The following NRP2 variants were observed in gnomAD, a reference collection of about 807,000 sequenced individuals.
NRP2 encodes neuropilin-2.
In NRP2, 52 loss-of-function variants were observed where a neutral mutation model predicts 110.4. The observed-to-expected ratio is 0.47, with a 90% CI of 0.38 to 0.59. The LOEUF (loss-of-function observed/expected upper bound fraction) is 0.59. NRP2 is among the 20% of genes least tolerant of loss of function. The probability of loss-of-function intolerance (pLI) is 0.00; values close to 1 mark genes in which losing one functional copy is unlikely to be tolerated. For synonymous variants in NRP2, 508 were observed against 468.9 expected (o/e 1.08, Z -1.08); for missense variants, 1,049 against 1,203.0 (o/e 0.87, Z 1.89).
intron 12 of NRP2, chr2:205,762,092 CT>C (rs1486546389): frequency 2.0e-5 from 3 of 152,238 alleles, no homozygotes; most frequent in Non-Finnish European, 4.4e-5. Context: ...CTGTAGACAG[CT>C]GCCTTTTAGT....
intron 15 of NRP2, among the ~76,000 whole-genome samples, chr2:205,782,812 G>A (rs34559804): frequency 0.016 from 2,434 of 150,386 alleles, 31 homozygotes; most frequent in Middle Eastern, 0.035. Flanking sequence ...ATGCCAGAGT[G>A]TATTAACTGC....
chr2:205,771,664 C>G (rs186581832), intron 15 of NRP2, among the ~76,000 whole-genome samples: 126 of 152,288 alleles, frequency 8.3e-4, no homozygotes, highest in African/African-American at 2.7e-3. Context: ...TTGACTGAGA[C>G]ACGCCAATCC....
chr2:205,723,933 A>G lies in NRP2; in HGVS notation c.813A>G (p.Pro271=). 2 of 1,614,106 alleles carry G rather than the reference A, an allele frequency of 1.2e-6. No individual in the cohort carries two copies. The highest frequency in any genetic ancestry group is 1.1e-5 in the South Asian group (1 of 91,066). Residue 271 remains proline, a synonymous_variant, in exon 5 of 17, where the codon CCA becomes CCG. Coordinates refer to ENST00000357785, the MANE Select transcript of NRP2 (RefSeq NM_003872.3). The part of the protein sequence containing the change: ...SARYYLVHQE[P]LENFQCNVPL... ...GTTACTACCTGGTCCACCAAGAGCC[A>G]CTAGAGAGTGAGTTGGCCGATTGGG... is the stretch of plus-strand genomic sequence containing the variant.
At chr2:205,696,318 AC>A (rs2105884968) in intron 1 of NRP2, among the ~76,000 whole-genome samples, 1 of 152,108 alleles carries the variant, frequency 6.6e-6, no homozygotes, top group Admixed American at 6.5e-5. Context: ...CAGGAGAAAG[AC>A]CCATCCTGGA....
chr2:205,721,419 G>A (rs1285907189), intron 3 of NRP2, among the ~76,000 whole-genome samples: 1 of 152,138 alleles, frequency 6.6e-6, no homozygotes, highest in Admixed American at 6.5e-5. Flanking sequence ...CATTCATTGC[G>A]TGAATGTGCA....
chr2:205,781,153 A>G (rs2058169651), intron 15 of NRP2, among the ~76,000 whole-genome samples: 1 of 152,194 alleles, frequency 6.6e-6, no homozygotes, highest in Non-Finnish European at 1.5e-5. Context: ...CTGTTTTTGG[A>G]ACCATGTTTG....
chr2:205,795,139 A>C lies in NRP2; in HGVS notation c.*81A>C, dbSNP rs2058341064. On this transcript the variant is annotated 3_prime_UTR_variant, in exon 17 of 17. Transcript: ENST00000357785. ...GATTACATTTTTTTTTCCTTTGGAAACTGAATGCCATAATCTCGATCAAAC... is the reference window on the plus strand; with the variant it reads ...GATTACATTTTTTTTTCCTTTGGAACCTGAATGCCATAATCTCGATCAAAC... 3.1e-6 allele frequency: 4 copies of C among 1,307,606 alleles called. No homozygotes were observed. In the South Asian group the frequency reaches 5.0e-5, roughly 16 times the overall value. 81.0% of individuals were successfully genotyped at this position (1,307,606 alleles called of 1,614,324 possible). A position where few individuals can be genotyped will look rare whatever the true frequency, so the allele number is the denominator to read the frequency against.
chr2:205,726,068 A>G lies in NRP2; in HGVS notation c.976A>G (p.Lys326Glu), dbSNP rs1466230204. The G allele has an allele frequency of 1.2e-6, 2 of 1,614,114 alleles. No homozygotes were observed. The highest frequency in any genetic ancestry group is 1.7e-6 in the Non-Finnish European group (2 of 1,180,048). ...NGWTPNLDSN[K>E]EYLQVDLRFL... ...CTGGACCCCCAACTTGGATTCCAAC[A>G]AGGAGTATCTCCAGGTACTTGTGCA... The change falls in exon 6 of 17, where the codon AAG becomes GAG. Residue 326 changes from lysine to glutamate, a missense_variant. By Grantham distance (56) the Lys-to-Glu change is moderately conservative. Transcript: ENST00000357785.
At position 205,752,968 on chromosome 2, in the gene NRP2, G is replaced by A. The variant is rs762849196; in HGVS notation, c.2037G>A (p.Thr679=). Residue 679 remains threonine, a synonymous_variant, in exon 12 of 17, where the codon ACG becomes ACA. Transcript: ENST00000357785. ...GCAGCTCCAGCCCAAACGACCGGAC[G>A]TTTCCAGGTAAGCCAGCTGTGAGTG... ...WASSSSPNDR[T]FPDDRNFLRL... 41 of 1,613,312 alleles carry A rather than the reference G, an allele frequency of 2.5e-5. No homozygotes were observed. Among genetic ancestry groups the A allele is most frequent in the Admixed American group, 8.3e-5 (5 of 59,998 alleles).
At chr2:205,749,027 T>C (rs1353268737) in intron 10 of NRP2, among the ~76,000 whole-genome samples, 1 of 152,184 alleles carries the variant, frequency 6.6e-6, no homozygotes, top group Non-Finnish European at 1.5e-5. Context: ...GAGATTTTAC[T>C]TAGGGATTTT....
At chr2:205,773,291 T>C (rs1055182310) in intron 15 of NRP2, among the ~76,000 whole-genome samples, 1 of 152,238 alleles carries the variant, frequency 6.6e-6, no homozygotes, top group Non-Finnish European at 1.5e-5. Context: ...GAGTTGCTTG[T>C]AGGGGATCAG....
At chr2:205,720,028 C>A (rs1181716551) in intron 3 of NRP2, among the ~76,000 whole-genome samples, 1 of 152,168 alleles carries the variant, frequency 6.6e-6, no homozygotes, top group Non-Finnish European at 1.5e-5. Flanking sequence ...CAAGAGCCAG[C>A]CAGCTTCTGC....
chr2:205,772,973 G>T (rs1476409915), intron 15 of NRP2, among the ~76,000 whole-genome samples: 1 of 152,166 alleles, frequency 6.6e-6, no homozygotes, highest in Non-Finnish European at 1.5e-5. Flanking sequence ...TCTGAACATT[G>T]GTCCAAATAT....
intron 9 of NRP2, 109 bp downstream of exon 9, chr2:205,743,661 C>T (rs1431235244): frequency 2.7e-6 from 4 of 1,497,632 alleles, no homozygotes; most frequent in Non-Finnish European, 3.6e-6. Context: ...TCATCCAACT[C>T]CTGAAATCCA....
chr2:205,729,093 CT>C (rs1200051745), intron 7 of NRP2, among the ~76,000 whole-genome samples: 5 of 152,234 alleles, frequency 3.3e-5, no homozygotes, highest in Non-Finnish European at 7.3e-5. Flanking sequence ...TCCTCAGCCC[CT>C]GTCACTGCCC....
At chr2:205,696,366 C>T (rs974341379) in intron 1 of NRP2, among the ~76,000 whole-genome samples, 2 of 152,150 alleles carry the variant, frequency 1.3e-5, no homozygotes, top group African/African-American at 4.8e-5. Flanking sequence ...ATTCACGGGC[C>T]CATGCTGCTC....
chr2:205,732,926 G>A (rs1433866658), intron 7 of NRP2, among the ~76,000 whole-genome samples: 1 of 152,006 alleles, frequency 6.6e-6, no homozygotes, highest in African/African-American at 2.4e-5. Context: ...TATTCCTTTT[G>A]TGGTAGTAAT....
Position 205,728,033 on chromosome 2 carries a change from G to T in NRP2, c.1133G>T (p.Gly378Val), listed in dbSNP as rs766902359. The T allele has an allele frequency of 6.2e-7, 1 of 1,614,136 alleles. No individual in the cohort carries two copies. The highest frequency in any genetic ancestry group is 8.5e-7 in the Non-Finnish European group (1 of 1,180,028). The change falls in exon 7 of 17, where the codon GGC becomes GTC. Residue 378 changes from glycine (G) to valine (V), a missense_variant. By Grantham distance (109) the Gly-to-Val change is moderately radical (BLOSUM62 -3). Coordinates refer to ENST00000357785, the MANE Select transcript of NRP2 (RefSeq NM_003872.3). ...GAGGACTGGATGGTGTACCGGCATGGCAAAAACCACAAGGTAAATCCATGA... is the reference window on the plus strand; with the variant it reads ...GAGGACTGGATGGTGTACCGGCATGTCAAAAACCACAAGGTAAATCCATGA... ...NGEDWMVYRH[G>V]KNHKVFQANN...
chr2:205,758,176 A>G (rs1013569555), intron 12 of NRP2, among the ~76,000 whole-genome samples: 1 of 152,258 alleles, frequency 6.6e-6, no homozygotes, highest in African/African-American at 2.4e-5. Flanking sequence ...TAGCAGAGAT[A>G]GGCAGACCTT....
Sources: allele counts gnomAD v4.1 joint callset (sites outside exome capture counted in the v4.1 genomes callset), GRCh38; gene constraint gnomAD v4.1.1; transcripts MANE v1.5; gene names NCBI Gene and HGNC (gene_info 2026-07-23, HGNC 2026-07-21).